The following RBFOX1 variants were observed in gnomAD, a reference collection of about 807,000 sequenced individuals.
RBFOX1 encodes RNA binding fox-1 homolog 1.
Under a neutral mutation model 57.7 loss-of-function variants are expected in RBFOX1, and 8 were observed. The ratio of observed to expected loss-of-function variants is 0.14; its 90% CI spans 0.08 to 0.25. The LOEUF (loss-of-function observed/expected upper bound fraction) is 0.25. RBFOX1 is among the 10% of genes least tolerant of loss of function. The probability of loss-of-function intolerance (pLI) is 1.00; values close to 1 mark genes in which losing one functional copy is unlikely to be tolerated. For synonymous variants in RBFOX1, 326 were observed against 222.4 expected, an observed-to-expected ratio of 1.47 and a Z score of -4.15; for missense variants, 611 against 548.5, an observed-to-expected ratio of 1.11 and a Z score of -1.14.
intron 4 of RBFOX1, among the ~76,000 whole-genome samples, chr16:7,130,877 G>A (rs901260476): frequency 1.3e-5 from 2 of 152,140 alleles, no homozygotes; most frequent in Non-Finnish European, 2.9e-5. Context: ...CCATCAAGAA[G>A]AGATGATGAG....
intron 2 of RBFOX1, among the ~76,000 whole-genome samples, chr16:6,347,184 T>G (rs1192910953): frequency 1.3e-5 from 2 of 152,114 alleles, no homozygotes; most frequent in Non-Finnish European, 2.9e-5. Flanking sequence ...ACTTTTAACT[T>G]TCTGGCCAAG....
chr16:6,536,112 G>C (rs1048328453), intron 2 of RBFOX1, among the ~76,000 whole-genome samples: 1 of 152,154 alleles, frequency 6.6e-6, no homozygotes, highest in Non-Finnish European at 1.5e-5. Flanking sequence ...TGCTTAGTAA[G>C]TATTGATACC....
intron 3 of RBFOX1, among the ~76,000 whole-genome samples, chr16:7,036,735 A>G (rs1175728765): frequency 1.9e-5 from 1 of 52,382 alleles, no homozygotes; most frequent in African/African-American, 3.3e-5. Context: ...ACAAACAAAG[A>G]AAAAAAAAAA....
At chr16:6,473,833 G>A (rs1221646561) in intron 2 of RBFOX1, among the ~76,000 whole-genome samples, 4 of 152,226 alleles carry the variant, frequency 2.6e-5, no homozygotes, top group East Asian at 1.9e-4. Context: ...CCTTGTGATC[G>A]GTTAAGGTGC....
At chr16:6,956,598 G>C (rs926158556) in intron 3 of RBFOX1, among the ~76,000 whole-genome samples, 1 of 152,216 alleles carries the variant, frequency 6.6e-6, no homozygotes, top group African/African-American at 2.4e-5. Flanking sequence ...AGACAGAGGA[G>C]TGAGTGGTTC....
At chr16:7,469,782 C>T (rs1427053366) in intron 4 of RBFOX1, among the ~76,000 whole-genome samples, 7 of 152,150 alleles carry the variant, frequency 4.6e-5, no homozygotes, top group Admixed American at 4.6e-4. Flanking sequence ...CCATTGATCT[C>T]CAGAACTTTT....
intron 3 of RBFOX1, among the ~76,000 whole-genome samples, chr16:6,778,408 A>G (rs2079757678): frequency 6.6e-6 from 1 of 152,160 alleles, no homozygotes; most frequent in Non-Finnish European, 1.5e-5. Flanking sequence ...ACATTCCTGA[A>G]TTGTTTTAAA....
rs890771887 is a variant in RBFOX1, at chr16:6,303,224, T to A, written c.-126-13771T>A. On this transcript the variant is annotated intron_variant, in intron 1 of 15. Coordinates refer to ENST00000550418, the MANE Select transcript of RBFOX1 (RefSeq NM_018723.4). ...CTGAAGAAAATATGATGTCCACATT[T>A]CATAGCTTAGTTCCGATCACTTCAG... is the stretch of plus-strand genomic sequence containing the variant. Among the ~76,000 whole-genome samples the A allele has an allele frequency of 4.6e-5, 7 of 152,218 alleles. No homozygotes were observed. The South Asian group carries it at 8.3e-4, about 18-fold the overall frequency.
chr16:6,233,320 A>G (rs12930199), intron 1 of RBFOX1, among the ~76,000 whole-genome samples: 48,206 of 151,954 alleles, frequency 0.32, 7,871 homozygotes, highest in African/African-American at 0.35. Context: ...GTTTCTGTTA[A>G]TTCCTTGCAT....
At chr16:6,363,061 A>C (rs1038325878) in intron 2 of RBFOX1, among the ~76,000 whole-genome samples, 5 of 152,174 alleles carry the variant, frequency 3.3e-5, no homozygotes, top group Non-Finnish European at 1.5e-5. Flanking sequence ...GAAATGATCT[A>C]ATGCAAACTT....
chr16:6,118,448 A>G (rs1436952225), intron 1 of RBFOX1, among the ~76,000 whole-genome samples: 1 of 152,206 alleles, frequency 6.6e-6, no homozygotes, highest in Non-Finnish European at 1.5e-5. Context: ...CCAGAATCAT[A>G]GATGGCATCT....
chr16:6,395,356 C>G (rs1371065562), intron 2 of RBFOX1, among the ~76,000 whole-genome samples: 1 of 152,150 alleles, frequency 6.6e-6, no homozygotes, highest in Admixed American at 6.5e-5. Context: ...CCATGTTATA[C>G]TTCTTCTTAG....
chr16:5,534,967 C>T (rs2044638439), intron 2 of RBFOX1, among the ~76,000 whole-genome samples: 1 of 152,052 alleles, frequency 6.6e-6, no homozygotes, highest in South Asian at 2.1e-4. Flanking sequence ...AAAATATTTC[C>T]CAAAGGCTTA....
At chr16:5,896,879 C>A (rs2058177713) in intron 4 of RBFOX1, among the ~76,000 whole-genome samples, 1 of 152,100 alleles carries the variant, frequency 6.6e-6, no homozygotes, top group Admixed American at 6.6e-5. Flanking sequence ...TATTCATTCC[C>A]ATTTTCTTCT....
chr16:6,606,876 A>G (rs1048858038), intron 2 of RBFOX1, among the ~76,000 whole-genome samples: 9 of 152,148 alleles, frequency 5.9e-5, no homozygotes, highest in African/African-American at 2.2e-4. Context: ...TATACCCAGT[A>G]ATAGGATTGC....
At chr16:7,603,455 C>T (rs551772082) in intron 9 of RBFOX1, among the ~76,000 whole-genome samples, 1 of 152,194 alleles carries the variant, frequency 6.6e-6, no homozygotes, top group East Asian at 1.9e-4. Flanking sequence ...AAGCTAAATC[C>T]AGATAGCATT....
At chr16:7,391,848 G>C (rs527567032) in intron 4 of RBFOX1, among the ~76,000 whole-genome samples, 1 of 152,192 alleles carries the variant, frequency 6.6e-6, no homozygotes, top group Non-Finnish European at 1.5e-5. Flanking sequence ...TACACAACCA[G>C]CCTGTCCAGA....
chr16:5,452,874 C>T (rs2068470144), intron 1 of RBFOX1, among the ~76,000 whole-genome samples: 1 of 152,080 alleles, frequency 6.6e-6, no homozygotes, highest in African/African-American at 2.4e-5. Context: ...ATCTTGTGAT[C>T]CACCTGCTCG....
At chr16:6,860,699 T>G (rs1214964428) in intron 3 of RBFOX1, among the ~76,000 whole-genome samples, 1 of 152,182 alleles carries the variant, frequency 6.6e-6, no homozygotes, top group African/African-American at 2.4e-5. Flanking sequence ...ATGTCTGGTG[T>G]GTCATGTTAA....
Sources: allele counts gnomAD v4.1 joint callset (sites outside exome capture counted in the v4.1 genomes callset), GRCh38; gene constraint gnomAD v4.1.1; transcripts MANE v1.5; gene names NCBI Gene and HGNC (gene_info 2026-07-23, HGNC 2026-07-21).